Variants in BBX observed in about 807,000 individuals in gnomAD.
BBX encodes the protein HMG box transcription factor BBX.
A neutral mutation model predicts 100.2 loss-of-function variants in BBX; 30 were observed. The ratio of observed to expected loss-of-function variants is 0.30; its 90% confidence interval spans 0.22 to 0.41. The LOEUF is 0.41. Ranked by LOEUF, BBX falls within the 10% of genes least tolerant of loss-of-function variation. BBX has a pLI of 1.00. For synonymous variants in BBX, 376 were observed against 388.1 expected (o/e 0.97, Z 0.37); for missense variants, 1,023 against 1,129.8 (o/e 0.91, Z 1.35).
At chr3:107,556,799 A>C (rs1367355358) in intron 2 of BBX, among the ~76,000 whole-genome samples, 1 of 152,064 alleles carries the variant, frequency 6.6e-6, no homozygotes, top group Non-Finnish European at 1.5e-5. Flanking sequence ...AATCAGAGGG[A>C]TCTTTGGGTT....
intron 2 of BBX, among the ~76,000 whole-genome samples, chr3:107,561,345 G>A (rs1211600465): frequency 1.3e-5 from 2 of 152,150 alleles, no homozygotes; most frequent in Non-Finnish European, 2.9e-5. Flanking sequence ...CCAATATCTA[G>A]CAAAAGTTGA....
chr3:107,602,295 T>G (rs190754500), intron 2 of BBX, among the ~76,000 whole-genome samples: 3 of 152,364 alleles, frequency 2.0e-5, no homozygotes, highest in African/African-American at 7.2e-5. Context: ...GTCTTATTAT[T>G]TAAGAAATAC....
At chr3:107,625,941 T>C (rs2056138420) in intron 2 of BBX, among the ~76,000 whole-genome samples, 1 of 152,160 alleles carries the variant, frequency 6.6e-6, no homozygotes, top group African/African-American at 2.4e-5. Flanking sequence ...AGTGATGTTT[T>C]CATACATATA....
intron 15 of BBX, among the ~76,000 whole-genome samples, chr3:107,794,029 G>A (rs1333055381): frequency 1.3e-5 from 2 of 151,996 alleles, no homozygotes. Context: ...TTAAAGGTAG[G>A]ATTTTCAAAT....
chr3:107,621,926 G>A (rs1217528182), intron 2 of BBX, among the ~76,000 whole-genome samples: 1 of 151,624 alleles, frequency 6.6e-6, no homozygotes, highest in Non-Finnish European at 1.5e-5. Context: ...TTAAACATGG[G>A]GCCTAAAAAA....
intron 2 of BBX, among the ~76,000 whole-genome samples, chr3:107,584,149 AAT>A (rs2052605272): frequency 4.9e-5 from 1 of 20,310 alleles, no homozygotes; most frequent in Non-Finnish European, 1.0e-4. Flanking sequence ...TATTATATAT[AAT>A]ATATGATATA....
At chr3:107,670,430 T>G (rs1382398842) in intron 3 of BBX, among the ~76,000 whole-genome samples, 3 of 152,110 alleles carry the variant, frequency 2.0e-5, no homozygotes. Flanking sequence ...ATATTGAATG[T>G]TCCCAGCAGG....
chr3:107,592,238 G>A (rs959323072), intron 2 of BBX, among the ~76,000 whole-genome samples: 19 of 151,420 alleles, frequency 1.3e-4, no homozygotes, highest in African/African-American at 3.2e-4. Context: ...TTAGTGGTGC[G>A]CACGTGTGGT....
intron 9 of BBX, 120 bp downstream of exon 9, chr3:107,748,159 A>G (rs1289654990): frequency 7.9e-6 from 6 of 758,258 alleles, no homozygotes; most frequent in Non-Finnish European, 1.3e-5. Context: ...TATTAACATA[A>G]TACACATAAC....
chr3:107,752,729 A>G (rs950845143), intron 9 of BBX, among the ~76,000 whole-genome samples: 1 of 152,220 alleles, frequency 6.6e-6, no homozygotes, highest in African/African-American at 2.4e-5. Context: ...AAGAGAGACT[A>G]CAGTGGAATT....
intron 13 of BBX, among the ~76,000 whole-genome samples, chr3:107,787,694 A>T (rs1319167372): frequency 6.6e-6 from 1 of 152,162 alleles, no homozygotes; most frequent in East Asian, 1.9e-4. Context: ...TTTGTGAGGG[A>T]ACGGGAGATC....
intron 9 of BBX, among the ~76,000 whole-genome samples, chr3:107,750,602 A>G: frequency 6.6e-6 from 1 of 152,170 alleles, no homozygotes; most frequent in East Asian, 1.9e-4. Context: ...CTCTCTCGTC[A>G]CTTTCCTCCT....
In BBX at chr3:107,708,720, T is replaced by C. The variant is rs1163702224; in HGVS notation, c.-9-1732T>C. ...TCAGAACTTTTATTAAAAATGAAGATTTTTTTAGAAAATGATTTTATTAAA... is the reference window on the plus strand; with the variant it reads ...TCAGAACTTTTATTAAAAATGAAGACTTTTTTAGAAAATGATTTTATTAAA... On this transcript the variant is annotated intron_variant, in intron 3 of 17. Transcript: ENST00000325805. 2.0e-5 allele frequency among the ~76,000 whole-genome samples: 3 copies of C among 151,936 alleles called. No homozygotes were observed. In the East Asian group the frequency reaches 5.8e-4, roughly 29 times the overall value.
chr3:107,641,924 A>G (rs1216993460), intron 2 of BBX: 1 of 152,058 alleles, frequency 6.6e-6, no homozygotes, highest in Non-Finnish European at 1.5e-5. Flanking sequence ...TCTTTATTTT[A>G]TATGTGTGTG....
chr3:107,762,844 T>C (rs2066004731), intron 10 of BBX, among the ~76,000 whole-genome samples: 1 of 152,208 alleles, frequency 6.6e-6, no homozygotes, highest in African/African-American at 2.4e-5. Context: ...TGAGCATCTC[T>C]AATTTGAAAA....
At chr3:107,595,345 G>A (rs709529) in intron 2 of BBX, among the ~76,000 whole-genome samples, 112,555 of 152,064 alleles carry the variant, frequency 0.74, 42,809 homozygotes, top group East Asian at 0.97. Context: ...TGTGCATTTT[G>A]AAAAACAGAA....
chr3:107,759,144 C>T (rs74899771), intron 10 of BBX, among the ~76,000 whole-genome samples: 1,554 of 152,252 alleles, frequency 0.01, 19 homozygotes, highest in African/African-American at 0.035. Context: ...CCAACTTTAG[C>T]GTTGTAAAGA....
intron 3 of BBX, among the ~76,000 whole-genome samples, chr3:107,647,220 C>T (rs2057570443): frequency 6.6e-6 from 1 of 152,122 alleles, no homozygotes. Context: ...AGTATGTTCT[C>T]ATTTGCTAAT....
At chr3:107,621,788 G>A (rs1236207822) in intron 2 of BBX, among the ~76,000 whole-genome samples, 1 of 152,196 alleles carries the variant, frequency 6.6e-6, no homozygotes, top group East Asian at 1.9e-4. Context: ...ATGCAGTTCG[G>A]TTGATCCTAC....
Sources: allele counts gnomAD v4.1 joint callset (sites outside exome capture counted in the v4.1 genomes callset), GRCh38; gene constraint gnomAD v4.1.1; transcripts MANE v1.5; gene names NCBI Gene and HGNC (gene_info 2026-07-23, HGNC 2026-07-21).